MAP7: variants seen among roughly 807,000 people sequenced by gnomAD.
The protein encoded by MAP7 is microtubule associated protein 7.
Under a neutral mutation model 94.8 loss-of-function variants are expected in MAP7, and 52 were observed. That is an observed-to-expected ratio of 0.55 (90% CI 0.44 to 0.69). The LOEUF (loss-of-function observed/expected upper bound fraction) is 0.69. Among genes scored for constraint, MAP7 ranks in the 30% least tolerant of loss-of-function variants. The probability of loss-of-function intolerance (pLI) is 0.00; values close to 1 mark genes in which losing one functional copy is unlikely to be tolerated. For missense variants in MAP7, 940 were observed against 964.6 expected (o/e 0.97, Z 0.34); for synonymous variants, 350 against 357.0 (o/e 0.98, Z 0.22).
intron 1 of MAP7, among the ~76,000 whole-genome samples, chr6:136,509,599 C>T (rs9389397): frequency 0.013 from 1,943 of 152,190 alleles, 44 homozygotes; most frequent in East Asian, 0.08. Flanking sequence ...CATTCTGTTG[C>T]ACAGGCTGGA....
intron 3 of MAP7, among the ~76,000 whole-genome samples, chr6:136,397,273 T>C (rs1046620992): frequency 6.6e-6 from 1 of 152,054 alleles, no homozygotes; most frequent in African/African-American, 2.4e-5. Flanking sequence ...AATACTTTAA[T>C]ACCCGGCCCT....
At chr6:136,418,211 G>A (rs1451607179) in intron 2 of MAP7, among the ~76,000 whole-genome samples, 1 of 151,810 alleles carries the variant, frequency 6.6e-6, no homozygotes, top group Non-Finnish European at 1.5e-5. Flanking sequence ...AATGTGGTTT[G>A]TTTGTTTGTT....
intron 13 of MAP7, among the ~76,000 whole-genome samples, chr6:136,360,291 G>A (rs1223171773): frequency 3.9e-5 from 6 of 151,952 alleles, no homozygotes; most frequent in East Asian, 1.9e-4. Context: ...GATTACAGGC[G>A]CCCGCCACCA....
At chr6:136,482,452 T>C (rs1813146500) in intron 1 of MAP7, among the ~76,000 whole-genome samples, 1 of 151,048 alleles carries the variant, frequency 6.6e-6, no homozygotes, top group Admixed American at 6.6e-5. Context: ...TACAAAAATA[T>C]TAGCTGGGTG....
intron 1 of MAP7, among the ~76,000 whole-genome samples, chr6:136,503,802 G>T (rs1209361936): frequency 6.6e-6 from 1 of 152,236 alleles, no homozygotes; most frequent in Non-Finnish European, 1.5e-5. Context: ...GCAGGCAGAA[G>T]TATGCTGATC....
intron 1 of MAP7, among the ~76,000 whole-genome samples, chr6:136,437,061 T>C (rs1240486502): frequency 6.6e-6 from 1 of 152,224 alleles, no homozygotes; most frequent in Non-Finnish European, 1.5e-5. Flanking sequence ...TCGGCCACCT[T>C]CACCAGTTTT....
chr6:136,424,806 T>C (rs560848045), intron 1 of MAP7, among the ~76,000 whole-genome samples: 1 of 152,348 alleles, frequency 6.6e-6, no homozygotes, highest in East Asian at 1.9e-4. Flanking sequence ...CGTCTGACTA[T>C]AACCTTTGCA....
intron 1 of MAP7, among the ~76,000 whole-genome samples, chr6:136,499,365 C>A (rs1279876009): frequency 6.6e-6 from 1 of 152,094 alleles, no homozygotes; most frequent in East Asian, 1.9e-4. Context: ...TGTTCACAAT[C>A]CTAACTAATA....
chr6:136,423,395 G>C (rs990701954), intron 1 of MAP7, among the ~76,000 whole-genome samples: 3 of 152,222 alleles, frequency 2.0e-5, no homozygotes, highest in Non-Finnish European at 4.4e-5. Flanking sequence ...ATAAATGGTA[G>C]AAAGTATTTT....
intron 3 of MAP7, among the ~76,000 whole-genome samples, chr6:136,396,850 A>G (rs1413368576): frequency 6.6e-6 from 1 of 152,244 alleles, no homozygotes; most frequent in Non-Finnish European, 1.5e-5. Context: ...GTAAACATTC[A>G]GTAAATATTA....
At chr6:136,467,967 T>G (rs549960305) in intron 1 of MAP7, among the ~76,000 whole-genome samples, 2 of 152,300 alleles carry the variant, frequency 1.3e-5, no homozygotes, top group East Asian at 3.9e-4. Context: ...GGGTCAAGTG[T>G]GGGCACTGGA....
At chr6:136,371,490 G>A (rs1268542351) in intron 8 of MAP7, among the ~76,000 whole-genome samples, 2 of 152,232 alleles carry the variant, frequency 1.3e-5, no homozygotes, top group African/African-American at 2.4e-5. Context: ...CAGAAAGGCC[G>A]ATGGAGCTTG....
At chr6:136,441,237 A>G (rs1386196170) in intron 1 of MAP7, among the ~76,000 whole-genome samples, 2 of 152,234 alleles carry the variant, frequency 1.3e-5, no homozygotes, top group Non-Finnish European at 2.9e-5. Flanking sequence ...AAAGTCTTAA[A>G]GATAATTTTG....
At chr6:136,477,452 T>A (rs528150342) in intron 1 of MAP7, among the ~76,000 whole-genome samples, 1 of 152,324 alleles carries the variant, frequency 6.6e-6, no homozygotes, top group African/African-American at 2.4e-5. Context: ...GGACAAATGA[T>A]GAAATCTTTA....
intron 1 of MAP7, among the ~76,000 whole-genome samples, chr6:136,468,491 A>G (rs753513001): frequency 1.3e-5 from 2 of 152,204 alleles, no homozygotes; most frequent in Non-Finnish European, 2.9e-5. Context: ...TAAGCCCATT[A>G]TAAGTTAAAA....
At chr6:136,504,925 C>T (rs1044067309) in intron 1 of MAP7, among the ~76,000 whole-genome samples, 3 of 151,920 alleles carry the variant, frequency 2.0e-5, no homozygotes, top group African/African-American at 7.3e-5. Flanking sequence ...GGTGATCCTC[C>T]CACCTTGGCT....
chr6:136,412,585 G>A (rs1437075094), intron 2 of MAP7, among the ~76,000 whole-genome samples: 1 of 152,278 alleles, frequency 6.6e-6, no homozygotes, highest in South Asian at 2.1e-4. Context: ...TCCATAGAAA[G>A]TAAGTGCAAA....
chr6:136,364,171 C>A, intron 10 of MAP7: 2 of 486,604 alleles, frequency 4.1e-6, no homozygotes, highest in Admixed American at 2.1e-5. Context: ...GCATAAGGCT[C>A]GGCCCTCATT....
intron 5 of MAP7, among the ~76,000 whole-genome samples, chr6:136,384,750 G>C (rs1778739540): frequency 6.6e-6 from 1 of 152,142 alleles, no homozygotes. Context: ...TTCCCAAAGT[G>C]TTGGGATTAC....
Sources: gnomAD v4.1 joint callset for allele counts (sites outside exome capture counted in the v4.1 genomes callset) on GRCh38, gnomAD v4.1.1 for gene constraint, MANE v1.5 for transcripts, NCBI Gene and HGNC (gene_info 2026-07-23, HGNC 2026-07-21) for gene names.